Variants in PCDHGB1 observed in about 807,000 individuals in gnomAD.
PCDHGB1 encodes protocadherin gamma subfamily B, 1, also known as protocadherin gamma-B1.
PCDHGB1 carries 34 observed loss-of-function variants against 56.6 expected under a neutral mutation model. That is an observed-to-expected ratio of 0.60 (90% CI 0.46 to 0.80). The LOEUF (loss-of-function observed/expected upper bound fraction) is 0.80, where lower values mean the gene tolerates loss of function less well. Ranked by LOEUF, PCDHGB1 falls within the 30% of genes least tolerant of loss-of-function variation. The pLI is 0.00. For missense variants in PCDHGB1, 1,278 were observed against 1,204.6 expected (o/e 1.06, Z -0.90); for synonymous variants, 561 against 505.9 (o/e 1.11, Z -1.46).
intron 1 of PCDHGB1, among the ~76,000 whole-genome samples, chr5:141,474,263 A>C (rs964712807): frequency 6.6e-6 from 1 of 152,188 alleles, no homozygotes; most frequent in Non-Finnish European, 1.5e-5. Context: ...CTGATAAACC[A>C]GTGTATCTCT....
chr5:141,365,732 G>A (rs780327572), intron 1 of PCDHGB1: 2 of 1,613,574 alleles, frequency 1.2e-6, no homozygotes, highest in Non-Finnish European at 8.5e-7. Flanking sequence ...CAATCCCAGA[G>A]GTGTCTCTAT....
At chr5:141,372,748 C>T (rs771861396) in intron 1 of PCDHGB1, 2 of 1,613,132 alleles carry the variant, frequency 1.2e-6, no homozygotes, top group East Asian at 2.2e-5. Context: ...TGTGATGAAG[C>T]CTCTTGGTTT....
chr5:141,413,833 G>A (rs917295013), intron 1 of PCDHGB1: 1 of 1,613,276 alleles, frequency 6.2e-7, no homozygotes, highest in Non-Finnish European at 8.5e-7. Context: ...CACCGCCTCC[G>A]ACGGGGGTGA....
chr5:141,402,402 T>TTAAGATAC (rs1275769528), intron 1 of PCDHGB1, among the ~76,000 whole-genome samples: 2 of 152,012 alleles, frequency 1.3e-5, no homozygotes, highest in South Asian at 4.1e-4. Context: ...CAGAAAATTG[T>TTAAGATAC]TAAGATACAC....
intron 1 of PCDHGB1, chr5:141,399,778 C>A (rs187080333): frequency 6.2e-7 from 1 of 1,613,250 alleles, no homozygotes; most frequent in African/African-American, 1.3e-5. Context: ...GGTGGGCGAC[C>A]GAAACGACAA....
intron 1 of PCDHGB1, chr5:141,371,159 G>A: frequency 6.2e-7 from 1 of 1,614,024 alleles, no homozygotes; most frequent in Non-Finnish European, 8.5e-7. Flanking sequence ...CAGAGAACCT[G>A]CCCGCTGGCT....
intron 1 of PCDHGB1, chr5:141,400,483 C>G (rs748464990): frequency 1.4e-5 from 22 of 1,613,902 alleles, no homozygotes; most frequent in Non-Finnish European, 1.7e-5. Context: ...GGCCTTATTT[C>G]CACTTTGTAA....
intron 3 of PCDHGB1, among the ~76,000 whole-genome samples, chr5:141,509,907 C>T (rs149338646): frequency 3.3e-5 from 5 of 152,182 alleles, no homozygotes; most frequent in South Asian, 2.1e-4. Context: ...TTCCAGCATG[C>T]GCTTAGGTAC....
intron 1 of PCDHGB1, chr5:141,361,239 G>T: frequency 6.2e-7 from 1 of 1,613,958 alleles, no homozygotes; most frequent in Non-Finnish European, 8.5e-7. Context: ...TGATCGCCTT[G>T]ATAAAAACGA....
chr5:141,351,629 G>C lies in PCDHGB1; in HGVS notation c.1369G>C (p.Val457Leu). ...VFHQASYVVHVSENNPPGASI... is the reference protein window; with the variant it reads ...VFHQASYVVHLSENNPPGASI... Reference sequence around the variant, plus strand: ...CCATCAGGCCTCCTATGTGGTCCACGTGTCTGAGAACAACCCACCTGGCGC... The same window carrying C: ...CCATCAGGCCTCCTATGTGGTCCACCTGTCTGAGAACAACCCACCTGGCGC... The change falls in exon 1 of 4, where the codon GTG becomes CTG. Residue 457 changes from valine to leucine, a missense_variant. Val to Leu is a conservative substitution (Grantham distance 32). Transcript: ENST00000523390. 1 of 1,614,046 alleles carries C rather than the reference G, an allele frequency of 6.2e-7. No individual in the cohort carries two copies. The highest frequency in any genetic ancestry group is 8.5e-7 in the Non-Finnish European group (1 of 1,179,906).
chr5:141,455,401 A>G (rs1252870027), intron 1 of PCDHGB1, among the ~76,000 whole-genome samples: 1 of 152,158 alleles, frequency 6.6e-6, no homozygotes, highest in Non-Finnish European at 1.5e-5. Context: ...TCCCCCTTAC[A>G]GAGACAGAGG....
At chr5:141,423,409 G>T (rs1168604361) in intron 1 of PCDHGB1, 1 of 1,614,148 alleles carries the variant, frequency 6.2e-7, no homozygotes, top group South Asian at 1.1e-5. Flanking sequence ...CCTGCTGCAG[G>T]CTTCTGAAGG....
At chr5:141,400,186 TACCTAG>T (rs1474148355) in intron 1 of PCDHGB1, 1 of 1,614,068 alleles carries the variant, frequency 6.2e-7, no homozygotes, top group Non-Finnish European at 8.5e-7. Flanking sequence ...GCTGCAGTTT[TACCTAG>T]TGGTGGCCTT....
intron 1 of PCDHGB1, chr5:141,361,515 C>A: frequency 6.2e-7 from 1 of 1,614,040 alleles, no homozygotes; most frequent in South Asian, 1.1e-5. Context: ...ACATGGTTCA[C>A]GTGGCAGAGA....
chr5:141,451,001 A>T (rs909477017), intron 1 of PCDHGB1, among the ~76,000 whole-genome samples: 2 of 148,266 alleles, frequency 1.3e-5, no homozygotes, highest in Middle Eastern at 3.4e-3. Context: ...ATTTTTTTGT[A>T]TTTTTTTTAG....
At position 141,351,512 on chromosome 5, in the gene PCDHGB1, A is replaced by T. The variant is rs1043449165; in HGVS notation, c.1252A>T (p.Ile418Phe). The T allele has an allele frequency of 1.8e-5, 29 of 1,614,012 alleles. No homozygotes were observed. Among genetic ancestry groups the T allele is most frequent in the African/African-American group, 2.7e-5 (2 of 75,062 alleles). ...REQTADYNVT[I>F]IATDKGKPAL... ...GCAGACAGCAGACTACAACGTCACAATCATAGCCACCGACAAGGGCAAACC... is the reference window on the plus strand; with the variant it reads ...GCAGACAGCAGACTACAACGTCACATTCATAGCCACCGACAAGGGCAAACC... The change falls in exon 1 of 4, where the codon ATC becomes TTC. Residue 418 changes from isoleucine (I) to phenylalanine (F), a missense_variant. Coordinates refer to ENST00000523390, the MANE Select transcript of PCDHGB1 (RefSeq NM_018922.3).
In PCDHGB1 at chr5:141,370,930, CTT is replaced by C. The variant is rs762522894; in HGVS notation, c.2409+18263_2409+18264del. Reference sequence around the variant, plus strand: ...TACCTCAGCCCTGATCCGCACTTCTCTTTGATTCAGAAGGAGAACCTGGATGG... The same window carrying C: ...TACCTCAGCCCTGATCCGCACTTCTCTGATTCAGAAGGAGAACCTGGATGG... On this transcript the variant is annotated intron_variant, in intron 1 of 3. Transcript: ENST00000523390. The C allele has an allele frequency of 1.1e-5, 18 of 1,613,894 alleles. No homozygotes were observed. In the African/African-American group the frequency reaches 2.1e-4, roughly 19 times the overall value.
At chr5:141,460,977 G>A in intron 1 of PCDHGB1, among the ~76,000 whole-genome samples, 1 of 131,518 alleles carries the variant, frequency 7.6e-6, no homozygotes, top group African/African-American at 3.4e-5. Context: ...GTGTGTGTGT[G>A]TGTGTGTATA....
chr5:141,432,104 C>T lies in PCDHGB1; in HGVS notation c.2410-62703C>T. The stretch of plus-strand genomic sequence containing the variant: ...GAACGTGGCAGACACCAACGACAAC[C>T]CGCCGGTCTTCCCTCAGGCCTCCTA... On this transcript the variant is annotated intron_variant, in intron 1 of 3. Coordinates refer to ENST00000523390, the MANE Select transcript of PCDHGB1 (RefSeq NM_018922.3). This position sits in a 1 kb window ranked among gnomAD's most constrained non-coding sequence, Gnocchi z 6.0. 1 of 1,614,204 alleles carries T rather than the reference C, an allele frequency of 6.2e-7. No individual in the cohort carries two copies. The highest frequency in any genetic ancestry group is 1.7e-5 in the Admixed American group (1 of 60,026).
Sources: allele counts gnomAD v4.1 joint callset (sites outside exome capture counted in the v4.1 genomes callset), GRCh38; gene constraint gnomAD v4.1.1; non-coding constraint Gnocchi (gnomAD v3.1); transcripts MANE v1.5; gene names NCBI Gene and HGNC (gene_info 2026-07-23, HGNC 2026-07-21).